The following ATP2C2 variants were observed in gnomAD, a reference collection of about 807,000 sequenced individuals.
ATP2C2 encodes ATPase secretory pathway Ca2+ transporting 2, also known as calcium-transporting ATPase type 2C member 2.
ATP2C2 carries 171 observed loss-of-function variants against 110.8 expected under a neutral mutation model. The observed-to-expected ratio is 1.54, with a 90% CI of 1.36 to 1.75. The LOEUF is 1.75. Among genes scored for constraint, ATP2C2 ranks in the 40% most tolerant of loss-of-function variants. ATP2C2 has a pLI of 0.00. For missense variants in ATP2C2, 1,963 were observed against 1,235.0 expected (o/e 1.59, Z -8.84); for synonymous variants, 804 against 508.4 (o/e 1.58, Z -7.82).
At chr16:84,429,679 A>G (rs1460501254) in intron 11 of ATP2C2, among the ~76,000 whole-genome samples, 1 of 152,094 alleles carries the variant, frequency 6.6e-6, no homozygotes, top group African/African-American at 2.4e-5. Context: ...AGAGCTGGGA[A>G]GAGAGGCAGA....
At chr16:84,399,633 A>AT (rs1272305311) in intron 2 of ATP2C2, among the ~76,000 whole-genome samples, 2 of 151,964 alleles carry the variant, frequency 1.3e-5, no homozygotes, top group African/African-American at 4.8e-5. Context: ...TTTATTTTTA[A>AT]TTTTTGTGGG....
intron 3 of ATP2C2, 61 bp downstream of exon 3, chr16:84,405,305 C>A: frequency 1.4e-6 from 2 of 1,414,126 alleles, no homozygotes; most frequent in African/African-American, 1.4e-5. Flanking sequence ...GTGGGGCAGC[C>A]ATTCCATCTT....
intron 20 of ATP2C2, 24 bp downstream of exon 20, chr16:84,453,395 G>C: frequency 6.2e-7 from 1 of 1,614,022 alleles, no homozygotes; most frequent in Non-Finnish European, 8.5e-7. Flanking sequence ...GGCAGGCACA[G>C]GCTGCGCTGC....
chr16:84,455,684 G>T (rs1444009208), intron 21 of ATP2C2, among the ~76,000 whole-genome samples: 1 of 151,806 alleles, frequency 6.6e-6, no homozygotes, highest in African/African-American at 2.4e-5. Flanking sequence ...ATTGAGGCTA[G>T]GTGGATCGTG....
intron 11 of ATP2C2, among the ~76,000 whole-genome samples, chr16:84,434,393 T>A (rs1466897516): frequency 6.6e-6 from 1 of 151,662 alleles, no homozygotes; most frequent in Admixed American, 6.6e-5. Flanking sequence ...TCCAGCCTGG[T>A]GACAGAGCAA....
At position 84,396,620 on chromosome 16, in the gene ATP2C2, C is replaced by T. The variant is rs556151659; in HGVS notation, c.100-1879C>T. Among the ~76,000 whole-genome samples the T allele has an allele frequency of 4.0e-5, 6 of 149,314 alleles. No homozygotes were observed. In the East Asian group the frequency reaches 9.8e-4, roughly 24 times the overall value. Reference sequence around the variant, plus strand: ...GAGTCACAAATGGCAAGGCTGAGGGCAGCTGAGTGAGTGTGGGGGATGGGG... The same window carrying T: ...GAGTCACAAATGGCAAGGCTGAGGGTAGCTGAGTGAGTGTGGGGGATGGGG... On this transcript the variant is annotated intron_variant, in intron 1 of 26. Transcript: ENST00000262429.
intron 20 of ATP2C2, 132 bp from the exon 21 acceptor site, chr16:84,454,686 G>A (rs1315975086): frequency 4.4e-6 from 4 of 917,114 alleles, no homozygotes; most frequent in South Asian, 2.0e-5. Context: ...CAGCTAATGT[G>A]GGTGAAGCTG....
intron 7 of ATP2C2, among the ~76,000 whole-genome samples, chr16:84,415,809 C>T (rs1392319574): frequency 6.6e-6 from 1 of 152,110 alleles, no homozygotes; most frequent in African/African-American, 2.4e-5. Context: ...CACTTTAAGC[C>T]TGACAACCTT....
At chr16:84,388,408 T>A (rs1904444651) in intron 1 of ATP2C2, among the ~76,000 whole-genome samples, 1 of 152,206 alleles carries the variant, frequency 6.6e-6, no homozygotes, top group African/African-American at 2.4e-5. Context: ...ACACAGACTG[T>A]CTGCCCACCC....
chr16:84,416,606 C>G (rs1906855344), intron 7 of ATP2C2, among the ~76,000 whole-genome samples: 1 of 152,156 alleles, frequency 6.6e-6, no homozygotes, highest in Non-Finnish European at 1.5e-5. Flanking sequence ...TGTGTGGCCA[C>G]TCGGACATTG....
rs13330497 is a variant in ATP2C2, at chr16:84,453,097, G to A, written c.1832-41G>A. 6,884 of 1,561,898 alleles carry A rather than the reference G, an allele frequency of 4.4e-3. 269 individuals are homozygous for A. The African/African-American group carries it at 0.081, about 18-fold the overall frequency. ...GGGGCCGGGAGTGAGGGGTGGGGAC[G>A]CGGGCCTCAGAGCAGGCCCTCAGAA... On this transcript the variant is annotated intron_variant, in intron 18 of 26. Transcript: ENST00000262429.
intron 6 of ATP2C2, among the ~76,000 whole-genome samples, chr16:84,411,872 G>T (rs1242949238): frequency 3.9e-5 from 6 of 152,188 alleles, no homozygotes; most frequent in African/African-American, 1.4e-4. Context: ...GCTGCCATTG[G>T]TGGAGGAAGC....
At chr16:84,454,398 A>G (rs559652291) in intron 20 of ATP2C2, among the ~76,000 whole-genome samples, 70 of 152,218 alleles carry the variant, frequency 4.6e-4, no homozygotes, top group African/African-American at 1.5e-3. Context: ...CTTTCATGTT[A>G]TTTTTAGCTC....
intron 1 of ATP2C2, among the ~76,000 whole-genome samples, chr16:84,391,224 C>T (rs1479720750): frequency 6.6e-6 from 1 of 151,780 alleles, no homozygotes; most frequent in Non-Finnish European, 1.5e-5. Flanking sequence ...TACCAGGATG[C>T]GCCACTCTCA....
chr16:84,461,896 C>A, intron 25 of ATP2C2, 84 bp downstream of exon 25: 1 of 1,606,070 alleles, frequency 6.2e-7, no homozygotes, highest in Non-Finnish European at 8.5e-7. Context: ...CAGCATTGAG[C>A]GGCTCTGGCT....
At chr16:84,410,630 G>C (rs769838928) in intron 5 of ATP2C2, 27 bp downstream of exon 5, 5 of 1,614,008 alleles carry the variant, frequency 3.1e-6, no homozygotes, top group Non-Finnish European at 3.4e-6. Context: ...GTCCCAGTCA[G>C]GGTAAGCTGG....
chr16:84,453,959 G>A (rs1256814126), intron 20 of ATP2C2, among the ~76,000 whole-genome samples: 2 of 152,102 alleles, frequency 1.3e-5, no homozygotes, highest in South Asian at 2.1e-4. Flanking sequence ...TCCTGCCTCA[G>A]TCTCCCCAAG....
intron 10 of ATP2C2, 60 bp from the exon 11 acceptor site, chr16:84,425,675 C>G (rs995939484): frequency 1.3e-6 from 2 of 1,570,802 alleles, no homozygotes; most frequent in African/African-American, 2.7e-5. Flanking sequence ...GTTTGAATCC[C>G]TCCAGGCATC....
At chr16:84,433,601 G>A (rs1011147671) in intron 11 of ATP2C2, among the ~76,000 whole-genome samples, 5 of 151,566 alleles carry the variant, frequency 3.3e-5, no homozygotes, top group African/African-American at 1.2e-4. Context: ...GTGGCGAGCC[G>A]AGATCGCACC....
Sources: allele counts gnomAD v4.1 joint callset (sites outside exome capture counted in the v4.1 genomes callset), GRCh38; gene constraint gnomAD v4.1.1; transcripts MANE v1.5; gene names NCBI Gene and HGNC (gene_info 2026-07-23, HGNC 2026-07-21).